SNTG2: variants seen among roughly 807,000 people sequenced by gnomAD.
SNTG2 encodes gamma-2-syntrophin.
A neutral mutation model predicts 70.9 loss-of-function variants in SNTG2; 74 were observed. The observed-to-expected ratio is 1.04, with a 90% CI of 0.86 to 1.27. SNTG2 has a LOEUF of 1.27. Ranked by LOEUF, SNTG2 falls within the 50% of genes most tolerant of loss-of-function variation. The pLI, the probability that SNTG2 is intolerant of heterozygous loss-of-function variation, is 0.00. For synonymous variants in SNTG2, 278 were observed against 273.8 expected, an observed-to-expected ratio of 1.02 and a Z score of -0.15; for missense variants, 717 against 690.7, an observed-to-expected ratio of 1.04 and a Z score of -0.43.
intron 7 of SNTG2, among the ~76,000 whole-genome samples, chr2:1,166,052 C>T (rs1461116950): frequency 1.3e-5 from 2 of 152,156 alleles, no homozygotes; most frequent in African/African-American, 2.4e-5. Context: ...CATATTTTGG[C>T]ACAAAGCTTG....
intron 12 of SNTG2, among the ~76,000 whole-genome samples, chr2:1,251,897 C>T (rs1017289390): frequency 1.3e-5 from 2 of 152,178 alleles, no homozygotes; most frequent in African/African-American, 2.4e-5. Flanking sequence ...GGACTCCAGC[C>T]GGCAGTGATG....
chr2:1,229,302 C>A (rs1220643793), intron 9 of SNTG2, among the ~76,000 whole-genome samples: 1 of 51,226 alleles, frequency 2.0e-5, no homozygotes, highest in African/African-American at 8.5e-5. Flanking sequence ...CTCCACGTTC[C>A]CATCAGGTTA....
At chr2:1,051,691 T>C (rs577283525) in intron 1 of SNTG2, among the ~76,000 whole-genome samples, 1 of 152,324 alleles carries the variant, frequency 6.6e-6, no homozygotes, top group African/African-American at 2.4e-5. Flanking sequence ...TGAACTATCA[T>C]TGGAGAGGCC....
chr2:1,157,733 A>AT (rs1669997347), intron 6 of SNTG2, among the ~76,000 whole-genome samples: 1 of 152,138 alleles, frequency 6.6e-6, no homozygotes, highest in South Asian at 2.1e-4. Flanking sequence ...AGGTCACAGA[A>AT]TTTTTTCAGA....
chr2:1,112,162 A>T (rs1400383632), intron 4 of SNTG2, among the ~76,000 whole-genome samples: 1 of 144,136 alleles, frequency 6.9e-6, no homozygotes, highest in East Asian at 2.1e-4. Context: ...CTGCTTTGAG[A>T]AGGATCGTGT....
In SNTG2 at chr2:1,309,635, G is replaced by T. The variant is rs142762970; in HGVS notation, c.1377+1049G>T. Among the ~76,000 whole-genome samples the T allele has an allele frequency of 8.6e-4, 131 of 152,388 alleles. No individual in the cohort carries two copies. In the East Asian group the frequency reaches 0.02, roughly 23 times the overall value. ...AGGGCCTACTGGGCAATAGTGTGGA[G>T]GCTGAAAAACCTGGGCTAGGGCCAT... On this transcript the variant is annotated intron_variant, in intron 15 of 16. Transcript: ENST00000308624.
chr2:1,026,998 C>A (rs1660513741), intron 1 of SNTG2, among the ~76,000 whole-genome samples: 1 of 152,214 alleles, frequency 6.6e-6, no homozygotes, highest in Non-Finnish European at 1.5e-5. Flanking sequence ...GCTCAGCCTC[C>A]ATCGTGCTAC....
chr2:1,223,413 G>T (rs1042773047), intron 9 of SNTG2, among the ~76,000 whole-genome samples: 2 of 151,758 alleles, frequency 1.3e-5, no homozygotes, highest in East Asian at 1.9e-4. Flanking sequence ...GATGGAGGGC[G>T]TCTCCCTGTC....
At chr2:1,164,671 G>A (rs910733820) in intron 6 of SNTG2, among the ~76,000 whole-genome samples, 2 of 151,834 alleles carry the variant, frequency 1.3e-5, no homozygotes, top group Non-Finnish European at 2.9e-5. Flanking sequence ...GCCCTAGGAG[G>A]ATGAAGTAAG....
At chr2:1,086,301 G>C (rs575905546) in intron 2 of SNTG2, among the ~76,000 whole-genome samples, 1 of 152,204 alleles carries the variant, frequency 6.6e-6, no homozygotes, top group South Asian at 2.1e-4. Flanking sequence ...GAAGACACGG[G>C]CTCGCTCTCT....
At chr2:1,028,526 C>T (rs542538291) in intron 1 of SNTG2, among the ~76,000 whole-genome samples, 61 of 152,304 alleles carry the variant, frequency 4.0e-4, no homozygotes, top group African/African-American at 1.3e-3. Context: ...TCCCTCTAGA[C>T]GGGAGGCCTG....
intron 8 of SNTG2, among the ~76,000 whole-genome samples, chr2:1,176,353 A>G (rs929725851): frequency 1.4e-5 from 2 of 140,004 alleles, no homozygotes; most frequent in African/African-American, 2.6e-5. Context: ...ATTGAGTATT[A>G]GGATTAATAC....
At chr2:977,607 A>G (rs895392471) in intron 1 of SNTG2, among the ~76,000 whole-genome samples, 16 of 152,088 alleles carry the variant, frequency 1.1e-4, no homozygotes, top group South Asian at 2.1e-4. Flanking sequence ...CTGTCGCTCA[A>G]TGGTCCATCT....
At chr2:955,398 T>C (rs929253020) in intron 1 of SNTG2, among the ~76,000 whole-genome samples, 1 of 152,244 alleles carries the variant, frequency 6.6e-6, no homozygotes. Flanking sequence ...GTCCTAAATA[T>C]CGTGCTTATT....
intron 9 of SNTG2, among the ~76,000 whole-genome samples, chr2:1,224,899 A>AC (rs148294276): frequency 1.3e-5 from 2 of 152,162 alleles, no homozygotes; most frequent in South Asian, 4.1e-4. Context: ...AGTTCACGGA[A>AC]CCCCTCCAGC....
At chr2:1,215,710 C>A (rs1221710454) in intron 9 of SNTG2, among the ~76,000 whole-genome samples, 4 of 144,690 alleles carry the variant, frequency 2.8e-5, no homozygotes, top group Non-Finnish European at 4.5e-5. Context: ...CCCCCTCCCC[C>A]AACCCCATGA....
chr2:1,089,851 C>G (rs555403909), intron 2 of SNTG2, among the ~76,000 whole-genome samples: 1 of 152,086 alleles, frequency 6.6e-6, no homozygotes, highest in East Asian at 1.9e-4. Flanking sequence ...CAAACAGAAC[C>G]CTGTGCAATT....
chr2:1,052,417 T>A (rs1451639046), intron 1 of SNTG2, among the ~76,000 whole-genome samples: 1 of 152,222 alleles, frequency 6.6e-6, no homozygotes, highest in Non-Finnish European at 1.5e-5. Context: ...TGCTATTTTC[T>A]TGTGTGCTTT....
intron 4 of SNTG2, among the ~76,000 whole-genome samples, chr2:1,118,387 C>T (rs149564218): frequency 1.1e-3 from 174 of 152,164 alleles, no homozygotes; most frequent in African/African-American, 3.9e-3. Flanking sequence ...ATTCCTGCAG[C>T]CTATGCCACT....
Sources: allele counts gnomAD v4.1 joint callset (sites outside exome capture counted in the v4.1 genomes callset), GRCh38; gene constraint gnomAD v4.1.1; transcripts MANE v1.5; gene names NCBI Gene and HGNC (gene_info 2026-07-23, HGNC 2026-07-21).